Variants in TAF1 observed in about 807,000 individuals in gnomAD.
TAF1 encodes TATA-box binding protein associated factor 1.
In TAF1, 2 loss-of-function variants were observed where a neutral mutation model predicts 138.5. The observed-to-expected ratio is 0.01, with a 90% confidence interval of 0.01 to 0.05. The LOEUF is 0.05. TAF1 is among the 10% of genes least tolerant of loss of function. TAF1 has a pLI of 1.00. For missense variants in TAF1, 709 were observed against 1,478.0 expected, an observed-to-expected ratio of 0.48 and a Z score of 8.53; for synonymous variants, 437 against 503.2, an observed-to-expected ratio of 0.87 and a Z score of 1.76.
At chrX:71,429,409 G>A (rs892626672) in intron 32 of TAF1, among the ~76,000 whole-genome samples, 1 of 111,616 alleles carries the variant, frequency 9.0e-6, no homozygotes, top group Non-Finnish European at 1.9e-5. Context: ...GTGGAAAATG[G>A]TGGGGGAGAA....
chrX:71,375,931 A>C (rs2033441891), intron 4 of TAF1, among the ~76,000 whole-genome samples: 1 of 113,015 alleles, frequency 8.8e-6, no homozygotes, highest in Non-Finnish European at 1.9e-5. Context: ...CTACTTGTTT[A>C]GATGGCTTTA....
intron 32 of TAF1, among the ~76,000 whole-genome samples, chrX:71,452,635 T>C (rs767809869): frequency 9.9e-4 from 109 of 110,440 alleles, no homozygotes; most frequent in Middle Eastern, 9.3e-3. Context: ...CAGGCAGAGA[T>C]GCTCCTCACT....
At chrX:71,511,388 C>T (rs1320847277) in intron 13 of TAF1, among the ~76,000 whole-genome samples, 1 of 112,092 alleles carries the variant, frequency 8.9e-6, no homozygotes, top group East Asian at 2.8e-4. Flanking sequence ...GGGATGAAAC[C>T]CAGACCTTGG....
rs1211646552 is a variant in TAF1 at position 71,529,105 on chromosome X, T to A, written c.*174+380T>A. ...TTTTTTTTTTGAGACAGAGTCTCGC[T>A]CTGTCGCCCAGGCTGGAGTGCAGTG... On this transcript the variant is annotated intron_variant and NMD_transcript_variant, in intron 14 of 14. Coordinates refer to the TAF1 transcript ENST00000373775. Among the ~76,000 whole-genome samples, 4 of 107,372 alleles carry A rather than the reference T, an allele frequency of 3.7e-5. No individual in the cohort carries two copies. The East Asian group carries it at 1.2e-3, about 32-fold the overall frequency. The allele number at this position is 107,372 out of a possible 115,157, so 93.2% of individuals were successfully genotyped here. A position where few individuals can be genotyped will look rare whatever the true frequency, so the allele number is the denominator to read the frequency against.
chrX:71,421,184 C>G, intron 28 of TAF1, 125 bp from the exon 29 acceptor site: 1 of 554,484 alleles, frequency 1.8e-6, no homozygotes, highest in Non-Finnish European at 3.0e-6. Context: ...TCTGTCTAAC[C>G]CATCAGTTAG....
intron 32 of TAF1, among the ~76,000 whole-genome samples, chrX:71,431,166 G>T (rs1393614618): frequency 1.8e-5 from 2 of 108,458 alleles, no homozygotes; most frequent in East Asian, 5.8e-4. Flanking sequence ...AGGTTCAAGT[G>T]ATTTGCCTGC....
At chrX:71,478,744 GA>G (rs1349975944) in intron 13 of TAF1, among the ~76,000 whole-genome samples, 1 of 111,915 alleles carries the variant, frequency 8.9e-6, no homozygotes, top group Non-Finnish European at 1.9e-5. Context: ...ATATCGGTAA[GA>G]AAAAGACAAG....
At chrX:71,523,735 GTTCACA>G in intron 13 of TAF1, among the ~76,000 whole-genome samples, 1 of 111,615 alleles carries the variant, frequency 9.0e-6, no homozygotes, top group East Asian at 2.8e-4. Flanking sequence ...GACAAGTTAT[GTTCACA>G]TGATACAATG....
At chrX:71,473,483 G>A (rs1188536796) in intron 13 of TAF1, among the ~76,000 whole-genome samples, 2 of 110,515 alleles carry the variant, frequency 1.8e-5, no homozygotes, top group Non-Finnish European at 3.8e-5. Context: ...CGTTGCCATA[G>A]TGAGAATACA....
intron 13 of TAF1, among the ~76,000 whole-genome samples, chrX:71,497,353 C>T (rs759876789): frequency 1.8e-5 from 2 of 111,360 alleles, no homozygotes; most frequent in South Asian, 7.6e-4. Context: ...TTTGAAGCAC[C>T]GGTCCCTCAA....
intron 13 of TAF1, among the ~76,000 whole-genome samples, chrX:71,487,296 T>C (rs1445782558): frequency 9.2e-6 from 1 of 108,205 alleles, no homozygotes; most frequent in Non-Finnish European, 1.9e-5. Context: ...TAATTTGCTG[T>C]TAGTCCCATC....
At chrX:71,409,937 G>A (rs1292782282) in intron 28 of TAF1, among the ~76,000 whole-genome samples, 2 of 108,619 alleles carry the variant, frequency 1.8e-5, no homozygotes, top group East Asian at 2.9e-4. Flanking sequence ...CTGTCGCCCA[G>A]GCTGGAGTGC....
At chrX:71,380,751 C>T (rs959807528) in intron 8 of TAF1, among the ~76,000 whole-genome samples, 1 of 111,547 alleles carries the variant, frequency 9.0e-6, no homozygotes, top group South Asian at 3.7e-4. Flanking sequence ...AATGTGTTGG[C>T]GCGATCTTGG....
At chrX:71,388,086 C>A in intron 15 of TAF1, 151 bp from the exon 16 acceptor site, 1 of 832,064 alleles carries the variant, frequency 1.2e-6, no homozygotes, top group Non-Finnish European at 1.7e-6. Flanking sequence ...GGTGACAGAG[C>A]GAGACTCCGT....
chrX:71,420,439 G>T, intron 28 of TAF1: 1 of 1,210,391 alleles, frequency 8.3e-7, no homozygotes, highest in South Asian at 1.8e-5. Flanking sequence ...TGAGCTTCCA[G>T]CTCTTCTGCT....
chrX:71,529,007 A>G (rs1434499599), intron 14 of TAF1, among the ~76,000 whole-genome samples: 1 of 111,476 alleles, frequency 9.0e-6, no homozygotes, highest in Non-Finnish European at 1.9e-5. Context: ...GGTGCATTTT[A>G]CAGAGTGCTG....
At chrX:71,410,303 A>AT (rs909804518) in intron 28 of TAF1, among the ~76,000 whole-genome samples, 2 of 109,171 alleles carry the variant, frequency 1.8e-5, no homozygotes, top group African/African-American at 6.7e-5. Flanking sequence ...AAAAAAATTT[A>AT]TTTTTTTTAT....
chrX:71,378,287 T>G lies in TAF1; in HGVS notation c.986T>G (p.Ile329Arg), dbSNP rs1258901480. The G allele has an allele frequency of 8.3e-7, 1 of 1,211,692 alleles. No homozygotes were observed. The highest frequency in any genetic ancestry group is 1.1e-6 in the Non-Finnish European group (1 of 895,532). Residue 329 changes from isoleucine (I) to arginine (R), a missense_variant, in exon 7 of 38, where the codon ATA (isoleucine) becomes AGA (arginine). By Grantham distance (97) the Ile-to-Arg change is moderately conservative. Around this residue, in one of 14 missense-constraint regions of TAF1, gnomAD observed 201 missense variants for 421.3 expected, o/e 0.48. Coordinates refer to ENST00000423759, the MANE Select transcript of TAF1 (RefSeq NM_004606.5). ...ESKFSQSTGD[I>R]DKVTDTKPRV... ...AAATTTTCCCAATCAACTGGAGATA[T>G]AGATAAAGTGACAGATACCAAACCA...
chrX:71,505,658 A>C (rs2147591443), intron 13 of TAF1, among the ~76,000 whole-genome samples: 1 of 112,184 alleles, frequency 8.9e-6, no homozygotes, highest in South Asian at 3.7e-4. Flanking sequence ...GCTGAGGAGA[A>C]ATGACAACTA....
Sources: gnomAD v4.1 joint callset for allele counts (sites outside exome capture counted in the v4.1 genomes callset) on GRCh38, gnomAD v4.1.1 for gene constraint, gnomAD v4.1.1 regional missense constraint, MANE v1.5 for transcripts, NCBI Gene and HGNC (gene_info 2026-07-23, HGNC 2026-07-21) for gene names.